VCF2: variants seen among roughly 807,000 people sequenced by gnomAD.
The protein encoded by VCF2 is protein VCF2.
At chrX:55,149,554 G>A in the VCF2 span, among the ~76,000 whole-genome samples, 1 of 111,187 alleles carries the variant, frequency 9.0e-6, no homozygotes, top group Non-Finnish European at 1.9e-5. Context: ...TCATGGAAGA[G>A]GTGGGTGTGT....
At chrX:55,159,492 A>C in the VCF2 span, among the ~76,000 whole-genome samples, 1 of 112,509 alleles carries the variant, frequency 8.9e-6, no homozygotes, top group African/African-American at 3.2e-5. Flanking sequence ...ATCCTTGAAA[A>C]TAAAGAATAT....
chrX:55,146,280 C>T, the VCF2 span: 1 of 1,211,227 alleles, frequency 8.3e-7, no homozygotes, highest in Non-Finnish European at 1.1e-6. Flanking sequence ...ATTAATGCGG[C>T]TGCTGCTCCT....
the VCF2 span, chrX:55,146,000 T>C: frequency 8.9e-7 from 1 of 1,128,573 alleles, no homozygotes; most frequent in Admixed American, 2.8e-5. Flanking sequence ...AAATGTAGAC[T>C]TAAAAACCAA....
the VCF2 span, among the ~76,000 whole-genome samples, chrX:55,160,112 A>G: frequency 8.9e-6 from 1 of 112,162 alleles, no homozygotes; most frequent in African/African-American, 3.2e-5. Context: ...CTGCTCCTAT[A>G]TTACACTCCA....
chrX:55,145,675 C>A, the VCF2 span: 1 of 759,999 alleles, frequency 1.3e-6, no homozygotes, highest in Non-Finnish European at 1.6e-6. Flanking sequence ...ATGAAAGCTA[C>A]ATACCTCTTT....
At chrX:55,143,780 T>A in the VCF2 span, 1 of 1,188,818 alleles carries the variant, frequency 8.4e-7, no homozygotes, top group South Asian at 1.8e-5. Context: ...TAAGTAGTTT[T>A]AAACAGCTTG....
the VCF2 span, among the ~76,000 whole-genome samples, chrX:55,152,976 A>G: frequency 8.9e-6 from 1 of 112,354 alleles, no homozygotes; most frequent in Non-Finnish European, 1.9e-5. Context: ...TAAATTGTAT[A>G]TTCAGTGAAA....
the VCF2 span, among the ~76,000 whole-genome samples, chrX:55,152,383 C>A: frequency 8.9e-6 from 1 of 111,822 alleles, no homozygotes; most frequent in African/African-American, 3.3e-5. Flanking sequence ...TTCTTTCTCT[C>A]TTCCTCCCCC....
At chrX:55,158,516 A>C in the VCF2 span, among the ~76,000 whole-genome samples, 1 of 111,524 alleles carries the variant, frequency 9.0e-6, no homozygotes, top group African/African-American at 3.3e-5. Context: ...AATTTATTGT[A>C]TATTTCAAAA....
chrX:55,151,525 C>CAAACCCAATTTA, the VCF2 span, among the ~76,000 whole-genome samples: 3 of 111,599 alleles, frequency 2.7e-5, no homozygotes. Flanking sequence ...AAAGTTCCAG[C>CAAACCCAATTTA]AAAACAAAAG....
the VCF2 span, among the ~76,000 whole-genome samples, chrX:55,144,403 C>T: frequency 2.7e-5 from 3 of 111,719 alleles, no homozygotes; most frequent in African/African-American, 9.8e-5. Flanking sequence ...CTGGTATTGA[C>T]TTTGGAAGCA....
the VCF2 span, among the ~76,000 whole-genome samples, chrX:55,148,227 T>C: frequency 9.0e-6 from 1 of 110,591 alleles, no homozygotes; most frequent in South Asian, 3.8e-4. Flanking sequence ...AATAAACTTG[T>C]CATATAATTT....
At chrX:55,157,545 G>A in the VCF2 span, among the ~76,000 whole-genome samples, 5 of 111,728 alleles carry the variant, frequency 4.5e-5, no homozygotes, top group Non-Finnish European at 9.4e-5. Context: ...AAACAAAAAT[G>A]CCCCAGTTGT....
At chrX:55,153,521 AT>A in the VCF2 span, among the ~76,000 whole-genome samples, 88 of 100,704 alleles carry the variant, frequency 8.7e-4, no homozygotes, top group Non-Finnish European at 7.5e-4. Flanking sequence ...CGCCCAGCTA[AT>A]TTTTTTTTTT....
At chrX:55,154,167 G>A in the VCF2 span, among the ~76,000 whole-genome samples, 1 of 111,555 alleles carries the variant, frequency 9.0e-6, no homozygotes, top group East Asian at 2.8e-4. Context: ...CCATCACCCA[G>A]GCTGGATTGC....
At chrX:55,158,622 T>C in the VCF2 span, among the ~76,000 whole-genome samples, 1 of 111,883 alleles carries the variant, frequency 8.9e-6, no homozygotes, top group Non-Finnish European at 1.9e-5. Context: ...TTACACATTA[T>C]ATACAGGTAT....
the VCF2 span, among the ~76,000 whole-genome samples, chrX:55,148,500 T>C: frequency 9.1e-6 from 1 of 110,228 alleles, no homozygotes; most frequent in Non-Finnish European, 1.9e-5. Flanking sequence ...AAGGGGTATT[T>C]TTGGCAAGAA....
chrX:55,144,856 C>T, the VCF2 span, among the ~76,000 whole-genome samples: 11 of 112,262 alleles, frequency 9.8e-5, no homozygotes, highest in Non-Finnish European at 1.3e-4. Flanking sequence ...TAGACTCTAA[C>T]GCATTTTTGT....
At chrX:55,143,950 G>T in the VCF2 span, 1 of 679,542 alleles carries the variant, frequency 1.5e-6, no homozygotes, top group Non-Finnish European at 2.2e-6. Flanking sequence ...TCTGGAATAA[G>T]ACTGTGCTTA....
Sources: allele counts gnomAD v4.1 joint callset (sites outside exome capture counted in the v4.1 genomes callset), GRCh38; gene constraint gnomAD v4.1.1; transcripts MANE v1.5; gene names NCBI Gene and HGNC (gene_info 2026-07-23, HGNC 2026-07-21).